PTAR1: variants seen among roughly 807,000 people sequenced by gnomAD.
PTAR1 encodes the protein protein prenyltransferase alpha subunit repeat-containing protein 1.
PTAR1 carries 17 observed loss-of-function variants against 45.5 expected under a neutral mutation model. The observed-to-expected ratio is 0.37, with a 90% CI of 0.26 to 0.56. The LOEUF (loss-of-function observed/expected upper bound fraction) is 0.56. Among genes scored for constraint, PTAR1 ranks in the 20% least tolerant of loss-of-function variants. The probability of loss-of-function intolerance (pLI) is 0.77; values close to 1 mark genes in which losing one functional copy is unlikely to be tolerated. For missense variants in PTAR1, 391 were observed against 476.3 expected (o/e 0.82, Z 1.67); for synonymous variants, 169 against 171.3 (o/e 0.99, Z 0.11).
Position 69,714,595 on chromosome 9 carries a change from T to C in PTAR1, c.*3747A>G, listed in dbSNP as rs1255275285. ...TACCTAAGTGGCATACGATCTACTATGTATTTGCTTTCCTGCAAACTACTG... is the reference window on the plus strand; with the variant it reads ...TACCTAAGTGGCATACGATCTACTACGTATTTGCTTTCCTGCAAACTACTG... On this transcript the variant is annotated 3_prime_UTR_variant, in exon 8 of 8. Coordinates refer to ENST00000340434, the MANE Select transcript of PTAR1 (RefSeq NM_001099666.2). 1 of 152,160 alleles carries C rather than the reference T, an allele frequency of 6.6e-6. No homozygotes were observed. The highest frequency in any genetic ancestry group is 1.5e-5 in the Non-Finnish European group (1 of 68,018). The allele number at this position is 152,160 out of a possible 1,614,324, so 9.4% of individuals were successfully genotyped here. A position where few individuals can be genotyped will look rare whatever the true frequency, so the allele number is the denominator to read the frequency against.
rs1824593155 is a variant in PTAR1, at chr9:69,713,189, G to T, written c.*5153C>A. 6.6e-6 allele frequency: 1 copy of T among 152,020 alleles called. No homozygotes were observed. Among genetic ancestry groups the T allele is most frequent in the Admixed American group, 6.6e-5 (1 of 15,220 alleles). The allele number at this position is 152,020 out of a possible 1,614,324, so 9.4% of individuals were successfully genotyped here. A position where few individuals can be genotyped will look rare whatever the true frequency, so the allele number is the denominator to read the frequency against. On this transcript the variant is annotated 3_prime_UTR_variant, in exon 8 of 8. Transcript: ENST00000340434. ...GGTTTCATCAGCAGACTAAACTACT[G>T]CCCTGTATTGTTCTTAGCAAAGAGT...
intron 1 of PTAR1, among the ~76,000 whole-genome samples, chr9:69,759,352 A>G (rs1030822551): frequency 6.6e-6 from 1 of 152,198 alleles, no homozygotes; most frequent in Non-Finnish European, 1.5e-5. Context: ...GTGGCAAGTA[A>G]GGCTAAAGTC....
At chr9:69,739,365 T>C (rs1413888784) in intron 3 of PTAR1, among the ~76,000 whole-genome samples, 1 of 151,990 alleles carries the variant, frequency 6.6e-6, no homozygotes, top group East Asian at 1.9e-4. Context: ...AGTCAACCTC[T>C]TTCATCAGGT....
chr9:69,718,504 A>G lies in PTAR1; in HGVS notation c.1047T>C (p.Tyr349=), dbSNP rs1564124433. Residue 349 remains tyrosine, a synonymous_variant, in exon 8 of 8, where the codon TAT becomes TAC. Transcript: ENST00000340434. ...DGLNDSSKQG[Y]SQETKRLKRT... is the part of the protein sequence containing the mutation. ...GCTTCAGGCGTTTGGTTTCCTGGGAATAGCCTTGCTTGCTAGAGTCATTCA... is the reference window on the plus strand; with the variant it reads ...GCTTCAGGCGTTTGGTTTCCTGGGAGTAGCCTTGCTTGCTAGAGTCATTCA... 11 of 1,613,770 alleles carry G rather than the reference A, an allele frequency of 6.8e-6. No individual in the cohort carries two copies. Among genetic ancestry groups the G allele is most frequent in the Non-Finnish European group, 9.3e-6 (11 of 1,179,720 alleles).
chr9:69,751,432 T>C (rs11140138), intron 1 of PTAR1, among the ~76,000 whole-genome samples: 18,880 of 151,952 alleles, frequency 0.12, 1,323 homozygotes, highest in East Asian at 0.27. Flanking sequence ...TGCCAAGATA[T>C]ATGAAATGAA....
rs866422575 is a variant in PTAR1, at chr9:69,723,372, C to T, written c.901G>A (p.Asp301Asn). 1 of 1,613,768 alleles carries T rather than the reference C, an allele frequency of 6.2e-7. No individual in the cohort carries two copies. The highest frequency in any genetic ancestry group is 1.3e-5 in the African/African-American group (1 of 74,908). The change falls in exon 6 of 8, where the codon GAT (aspartate) becomes AAT (asparagine). Residue 301 changes from aspartate to asparagine, a missense_variant. Asp to Asn is a conservative substitution (Grantham distance 23). Transcript: ENST00000340434. ...TGTCCTGGGTAGGAATCAATAAGAT[C>T]AGTGCTGAATTCAACTTCTTCTTCT... The part of the protein sequence containing the change: ...LLEEEVEFST[D>N]LIDSYPGHET...
intron 2 of PTAR1, among the ~76,000 whole-genome samples, chr9:69,744,946 C>T (rs1409193940): frequency 6.6e-6 from 1 of 152,184 alleles, no homozygotes; most frequent in Admixed American, 6.5e-5. Flanking sequence ...TAAAGCCATA[C>T]TACCTGGGTT....
At chr9:69,739,353 T>TA (rs1327568587) in intron 3 of PTAR1, among the ~76,000 whole-genome samples, 1 of 150,520 alleles carries the variant, frequency 6.6e-6, no homozygotes, top group South Asian at 2.1e-4. Flanking sequence ...ACATTATTAC[T>TA]AAGTCAACCT....
chr9:69,748,175 T>G (rs1395022775), intron 2 of PTAR1, among the ~76,000 whole-genome samples: 2 of 151,948 alleles, frequency 1.3e-5, no homozygotes, highest in African/African-American at 4.8e-5. Context: ...AGACAGCTTT[T>G]AAAGAGAGAG....
rs1269668325 is a variant in PTAR1 at position 69,713,564 on chromosome 9, C to T, written c.*4778G>A. 6.6e-6 allele frequency: 1 copy of T among 152,050 alleles called. No individual in the cohort carries two copies. The highest frequency in any genetic ancestry group is 1.5e-5 in the Non-Finnish European group (1 of 67,978). The allele number at this position is 152,050 out of a possible 1,614,324, so 9.4% of individuals were successfully genotyped here. ...TGAGAGAAAGCAAGTACTGTTTTCC[C>T]CCTTTCAACTATATTACATTATGCC... On this transcript the variant is annotated 3_prime_UTR_variant, in exon 8 of 8. Transcript: ENST00000340434.
chr9:69,726,264 T>A (rs1825273600), intron 5 of PTAR1, among the ~76,000 whole-genome samples: 1 of 152,170 alleles, frequency 6.6e-6, no homozygotes, highest in Admixed American at 6.5e-5. Context: ...GCACAGAGTT[T>A]ATTTTTAAGA....
Position 69,741,955 on chromosome 9 carries a change from T to C in PTAR1, c.257-97A>G, listed in dbSNP as rs145831954. The C allele has an allele frequency of 5.9e-4, 427 of 724,964 alleles. 3 individuals are homozygous for C. The highest frequency in any genetic ancestry group is 3.3e-3 in the Middle Eastern group (12 of 3,590). 44.9% of individuals were successfully genotyped at this position (724,964 alleles called of 1,614,324 possible). A position where few individuals can be genotyped will look rare whatever the true frequency, so the allele number is the denominator to read the frequency against. The stretch of plus-strand genomic sequence containing the variant: ...GGTTCTCTTTCTCTCTATCACATTA[T>C]ACTAATATATCTCTCATGTCATACT... On this transcript the variant is annotated intron_variant, in intron 2 of 7. Coordinates refer to ENST00000340434, the MANE Select transcript of PTAR1 (RefSeq NM_001099666.2).
In PTAR1 at chr9:69,712,846, T is replaced by C. The variant is rs1824576949; in HGVS notation, c.*5496A>G. On this transcript the variant is annotated 3_prime_UTR_variant, in exon 8 of 8. Coordinates refer to ENST00000340434, the MANE Select transcript of PTAR1 (RefSeq NM_001099666.2). ...ATCATTTCCACAGAAGACACGAGAA[T>C]GTTCATACTAGAGCCATAGGGACCA... 1 of 152,068 alleles carries C rather than the reference T, an allele frequency of 6.6e-6. No individual in the cohort carries two copies. Among genetic ancestry groups the C allele is most frequent in the South Asian group, 2.1e-4 (1 of 4,832 alleles). 9.4% of individuals were successfully genotyped at this position (152,068 alleles called of 1,614,324 possible). A position where few individuals can be genotyped will look rare whatever the true frequency, so the allele number is the denominator to read the frequency against.
At chr9:69,735,708 T>C (rs1825757528) in intron 3 of PTAR1, among the ~76,000 whole-genome samples, 1 of 152,068 alleles carries the variant, frequency 6.6e-6, no homozygotes, top group Non-Finnish European at 1.5e-5. Context: ...TTTGTTATTA[T>C]TTATCTTAAA....
chr9:69,723,001 A>G (rs1825094712), intron 6 of PTAR1, among the ~76,000 whole-genome samples: 1 of 151,424 alleles, frequency 6.6e-6, no homozygotes, highest in African/African-American at 2.4e-5. Context: ...AAATATTAGT[A>G]TCTCCAAGGA....
chr9:69,741,854 C>A lies in PTAR1; in HGVS notation c.261G>T (p.Leu87Phe), dbSNP rs1431273304. 5.0e-6 allele frequency: 8 copies of A among 1,584,938 alleles called. No individual in the cohort carries two copies. The highest frequency in any genetic ancestry group is 6.9e-6 in the Non-Finnish European group (8 of 1,160,648). The change falls in exon 3 of 8, where the codon TTG becomes TTT. Residue 87 changes from leucine to phenylalanine, a missense_variant. Transcript: ENST00000340434. ...TRKQWLNRDE[L>F]IDVTCTLLLL... ...GCAGCAGGGTACATGTGACATCTATCAATTCTAAAATAAAGAGAAGTCATA... is the reference window on the plus strand; with the variant it reads ...GCAGCAGGGTACATGTGACATCTATAAATTCTAAAATAAAGAGAAGTCATA...
At chr9:69,731,904 C>A (rs566226740) in intron 5 of PTAR1, 443 of 533,994 alleles carry the variant, frequency 8.3e-4, no homozygotes, top group Non-Finnish European at 9.2e-4. Context: ...GTTGGTTAAA[C>A]CTGCCTTGCT....
At chr9:69,756,384 G>A (rs527874816) in intron 1 of PTAR1, among the ~76,000 whole-genome samples, 30 of 152,132 alleles carry the variant, frequency 2.0e-4, no homozygotes, top group Non-Finnish European at 4.1e-4. Flanking sequence ...TTCATAATCT[G>A]TATGTTGACT....
At position 69,718,406 on chromosome 9, in the gene PTAR1, C is replaced by T. The variant is rs746920322; in HGVS notation, c.1145G>A (p.Arg382Gln). Residue 382 changes from arginine (R) to glutamine (Q), a missense_variant, in exon 8 of 8, where the codon CGG becomes CAG. Arg to Gln is a conservative substitution (Grantham distance 43, BLOSUM62 1). Coordinates refer to ENST00000340434, the MANE Select transcript of PTAR1 (RefSeq NM_001099666.2). ...RFIDQVLSTC[R>Q]NVEQARFASA... ...GGCAAACCTGGCTTGCTCCACGTTC[C>T]GACAGGTGGACAATACTTGATCAAT... 39 of 1,613,258 alleles carry T rather than the reference C, an allele frequency of 2.4e-5. No homozygotes were observed. In the Admixed American group the frequency reaches 3.3e-4, roughly 14 times the overall value.
Sources: gnomAD v4.1 joint callset for allele counts (sites outside exome capture counted in the v4.1 genomes callset) on GRCh38, gnomAD v4.1.1 for gene constraint, MANE v1.5 for transcripts, NCBI Gene and HGNC (gene_info 2026-07-23, HGNC 2026-07-21) for gene names.